The following EPYC variants were observed in gnomAD, a reference collection of about 807,000 sequenced individuals.
The protein encoded by EPYC is dermatan sulfate proteoglycan 3.
Under a neutral mutation model 30.1 loss-of-function variants are expected in EPYC, and 28 were observed. The observed-to-expected ratio is 0.93, with a 90% confidence interval of 0.69 to 1.28. The LOEUF (loss-of-function observed/expected upper bound fraction) is 1.28. Ranked by LOEUF, EPYC falls within the 50% of genes most tolerant of loss-of-function variation. EPYC has a pLI of 0.00. For missense variants in EPYC, 382 were observed against 383.5 expected (o/e 1.00, Z 0.03); for synonymous variants, 144 against 141.4 (o/e 1.02, Z -0.13).
intron 2 of EPYC, among the ~76,000 whole-genome samples, chr12:90,983,824 TTGGGACTC>T: frequency 6.6e-6 from 1 of 152,224 alleles, no homozygotes; most frequent in South Asian, 2.1e-4. Flanking sequence ...AGCATAAATT[TTGGGACTC>T]TGTTCCTTTC....
At chr12:90,980,569 G>A (rs777374061) in intron 2 of EPYC, among the ~76,000 whole-genome samples, 1 of 152,058 alleles carries the variant, frequency 6.6e-6, no homozygotes, top group African/African-American at 2.4e-5. Flanking sequence ...AAGTTATGAG[G>A]CAATGCACAC....
At chr12:90,986,243 A>G (rs1478296387) in intron 2 of EPYC, among the ~76,000 whole-genome samples, 5 of 152,048 alleles carry the variant, frequency 3.3e-5, no homozygotes, top group Non-Finnish European at 7.4e-5. Flanking sequence ...AATCAGGCTA[A>G]AAGACCCCAC....
At chr12:90,995,065 A>G (rs1877667053) in intron 2 of EPYC, among the ~76,000 whole-genome samples, 1 of 152,168 alleles carries the variant, frequency 6.6e-6, no homozygotes, top group Non-Finnish European at 1.5e-5. Flanking sequence ...TATGTTAAGC[A>G]CAGTGAAATT....
intron 2 of EPYC, among the ~76,000 whole-genome samples, chr12:90,994,624 G>T (rs1877658040): frequency 6.6e-6 from 1 of 152,074 alleles, no homozygotes; most frequent in Non-Finnish European, 1.5e-5. Context: ...GTGTGTTAAT[G>T]GTTATGTGCT....
At chr12:90,976,263 A>G (rs1045061265) in intron 3 of EPYC, among the ~76,000 whole-genome samples, 1 of 152,110 alleles carries the variant, frequency 6.6e-6, no homozygotes, top group Non-Finnish European at 1.5e-5. Flanking sequence ...CATACTATTC[A>G]TAGTTAACAA....
Position 90,971,799 on chromosome 12 carries a change from C to A in EPYC, c.702+1G>T, listed in dbSNP as rs200473998. ...GTCTGCATATCAAACTTAAAACTTA[C>A]TTTAAATGCTTCTTGCTTTATCCCT... On this transcript the variant is annotated splice_donor_variant, in intron 5 of 6. Transcript: ENST00000261172. LOFTEE classifies it high-confidence loss of function. The A allele has an allele frequency of 1.3e-6, 2 of 1,570,138 alleles. No individual in the cohort carries two copies. Among genetic ancestry groups the A allele is most frequent in the Non-Finnish European group, 1.7e-6 (2 of 1,159,932 alleles).
intron 2 of EPYC, 52 bp from the exon 3 acceptor site, chr12:90,978,314 C>A (rs1877243288): frequency 2.6e-6 from 4 of 1,534,762 alleles, no homozygotes; most frequent in Non-Finnish European, 3.5e-6. Flanking sequence ...CTCAGTCACT[C>A]TGTGTGGCAG....
chr12:90,989,583 C>T (rs1920767), intron 2 of EPYC, among the ~76,000 whole-genome samples: 120,196 of 151,850 alleles, frequency 0.79, 48,286 homozygotes, highest in Non-Finnish European at 0.86. Flanking sequence ...ATAATGCTTA[C>T]TCATACACAA....
intron 5 of EPYC, among the ~76,000 whole-genome samples, chr12:90,971,110 G>A (rs1224835628): frequency 2.0e-5 from 3 of 152,132 alleles, no homozygotes; most frequent in African/African-American, 7.2e-5. Context: ...TCCCTGCCAA[G>A]TAGCTATCCT....
chr12:91,000,903 T>C (rs78541160), intron 2 of EPYC, among the ~76,000 whole-genome samples: 14,073 of 152,124 alleles, frequency 0.093, 1,383 homozygotes, highest in African/African-American at 0.25. Flanking sequence ...ACATTGGAGA[T>C]GTAGAAGTCA....
At chr12:90,964,829 G>A (rs983219842) in intron 6 of EPYC, among the ~76,000 whole-genome samples, 6 of 152,124 alleles carry the variant, frequency 3.9e-5, no homozygotes, top group African/African-American at 1.4e-4. Flanking sequence ...GAAGGAGGGA[G>A]CAAATATCCG....
At chr12:90,974,069 CACA>C (rs1565871396) in intron 3 of EPYC, among the ~76,000 whole-genome samples, 114 of 151,118 alleles carry the variant, frequency 7.5e-4, no homozygotes, top group African/African-American at 2.6e-3. Flanking sequence ...CACACACACA[CACA>C]CCCCTACCTC....
chr12:90,984,426 C>A (rs1482669427), intron 2 of EPYC, among the ~76,000 whole-genome samples: 1 of 152,104 alleles, frequency 6.6e-6, no homozygotes, highest in Non-Finnish European at 1.5e-5. Context: ...GCATCCTAAG[C>A]CATTGAGACC....
At chr12:90,994,489 A>T (rs78816615) in intron 2 of EPYC, among the ~76,000 whole-genome samples, 2 of 152,176 alleles carry the variant, frequency 1.3e-5, no homozygotes, top group African/African-American at 4.8e-5. Flanking sequence ...ACTTACATCT[A>T]GAAGTCTGAC....
intron 2 of EPYC, among the ~76,000 whole-genome samples, chr12:90,995,718 C>G (rs1052454496): frequency 2.0e-5 from 3 of 151,616 alleles, no homozygotes; most frequent in Non-Finnish European, 4.4e-5. Context: ...ATTTGTTTTC[C>G]CAATGAGCCT....
chr12:90,998,439 A>T (rs970129462), intron 2 of EPYC, among the ~76,000 whole-genome samples: 2 of 152,132 alleles, frequency 1.3e-5, no homozygotes, highest in African/African-American at 4.8e-5. Context: ...ATGAGAAATC[A>T]CACAAATAAT....
intron 6 of EPYC, among the ~76,000 whole-genome samples, chr12:90,967,740 A>G (rs1592621375): frequency 1.3e-5 from 2 of 152,180 alleles, no homozygotes; most frequent in South Asian, 2.1e-4. Flanking sequence ...TGGGAGGCCA[A>G]TTCAGGAGGA....
At chr12:90,985,554 T>G (rs1321817751) in intron 2 of EPYC, among the ~76,000 whole-genome samples, 1 of 152,130 alleles carries the variant, frequency 6.6e-6, no homozygotes, top group Non-Finnish European at 1.5e-5. Flanking sequence ...TAGTCATGGC[T>G]CTCAGACAAA....
chr12:91,001,293 A>G (rs1323306667), intron 2 of EPYC, among the ~76,000 whole-genome samples: 3 of 152,140 alleles, frequency 2.0e-5, no homozygotes, highest in Non-Finnish European at 4.4e-5. Flanking sequence ...CAAGTTAAAT[A>G]TACGATTTCA....
Sources: gnomAD v4.1 joint callset for allele counts (sites outside exome capture counted in the v4.1 genomes callset) on GRCh38, gnomAD v4.1.1 for gene constraint, MANE v1.5 for transcripts, NCBI Gene and HGNC (gene_info 2026-07-23, HGNC 2026-07-21) for gene names.